The following LAMA1 variants were observed in gnomAD, a reference collection of about 807,000 sequenced individuals.
LAMA1 encodes laminin subunit alpha 1, also known as laminin subunit alpha-1.
In LAMA1, 219 loss-of-function variants were observed where a neutral mutation model predicts 348.7. The ratio of observed to expected loss-of-function variants is 0.63; its 90% CI spans 0.56 to 0.70. The LOEUF is 0.70. LAMA1 is among the 30% of genes least tolerant of loss of function. LAMA1 has a pLI of 0.00. For missense variants in LAMA1, 3,744 were observed against 3,888.0 expected (o/e 0.96, Z 0.99); for synonymous variants, 1,487 against 1,491.0 (o/e 1.00, Z 0.06).
At position 7,032,097 on chromosome 18, in the gene LAMA1, G is replaced by A; in HGVS notation, c.2243C>T (p.Ala748Val). The A allele has an allele frequency of 6.2e-7, 1 of 1,614,134 alleles. No homozygotes were observed. Among genetic ancestry groups the A allele is most frequent in the East Asian group, 2.2e-5 (1 of 44,868 alleles). Residue 748 changes from alanine to valine, a missense_variant, in exon 16 of 63, where the codon GCA (alanine) becomes GTA (valine). By Grantham distance (64) the Ala-to-Val change is moderately conservative. This residue lies in a region of LAMA1 where 1,529 missense variants were observed against 1,689.4 expected (regional missense o/e 0.91). Coordinates refer to ENST00000389658, the MANE Select transcript of LAMA1 (RefSeq NM_005559.4). ...AACGCCGTGAACATTACACTCAGCT[G>A]CATGGCCGTGGCATTCACAGGGTTG... ...ICQPCECHGH[A>V]AECNVHGVCI...
At position 6,961,569 on chromosome 18, in the gene LAMA1, G is replaced by A. The variant is rs762915986; in HGVS notation, c.7626+17C>T. 1.9e-6 allele frequency: 3 copies of A among 1,612,578 alleles called. No individual in the cohort carries two copies. Among genetic ancestry groups the A allele is most frequent in the Non-Finnish European group, 2.5e-6 (3 of 1,179,954 alleles). ...AATTTCCTGAGCTTGGGGCTCAGGA[G>A]CACTGGCCCTACTCACCACGTGTGC... On this transcript the variant is annotated intron_variant, in intron 53 of 62. Coordinates refer to ENST00000389658, the MANE Select transcript of LAMA1 (RefSeq NM_005559.4).
intron 23 of LAMA1, among the ~76,000 whole-genome samples, chr18:7,013,460 C>T (rs147957340): frequency 6.8e-4 from 104 of 152,216 alleles, no homozygotes; most frequent in African/African-American, 2.4e-3. Flanking sequence ...CCAGCACATA[C>T]GGGAGCCCAA....
chr18:7,076,167 G>A (rs2058167109), intron 3 of LAMA1, among the ~76,000 whole-genome samples: 1 of 152,126 alleles, frequency 6.6e-6, no homozygotes, highest in Non-Finnish European at 1.5e-5. Flanking sequence ...TGCAGATTTT[G>A]GCAAGGTAAA....
rs1252302513 is a variant in LAMA1 at position 6,988,577 on chromosome 18, A to G, written c.5169-2230T>C. 3.3e-5 allele frequency among the ~76,000 whole-genome samples: 5 copies of G among 152,300 alleles called. No homozygotes were observed. The East Asian group carries it at 9.6e-4, about 29-fold the overall frequency. On this transcript the variant is annotated intron_variant, in intron 36 of 62. Transcript: ENST00000389658. ...CACTTTGGGAGGCCAAGGCGGGCAG[A>G]TCACCTGAGGTCAGGAGTCCAAGAC...
intron 3 of LAMA1, among the ~76,000 whole-genome samples, chr18:7,053,893 C>T (rs905326633): frequency 6.6e-6 from 1 of 151,698 alleles, no homozygotes; most frequent in Admixed American, 6.6e-5. Context: ...AAGTGATCCT[C>T]CCACCTCGGC....
intron 7 of LAMA1, 72 bp from the exon 8 acceptor site, chr18:7,043,477 CTAAG>C (rs1339244980): frequency 8.2e-6 from 10 of 1,212,406 alleles, no homozygotes; most frequent in Admixed American, 3.4e-5. Flanking sequence ...CTTAACCTCC[CTAAG>C]TAAGTTCTAT....
At chr18:6,943,855 A>G (rs1308146769) in intron 61 of LAMA1, among the ~76,000 whole-genome samples, 1 of 151,796 alleles carries the variant, frequency 6.6e-6, no homozygotes, top group Non-Finnish European at 1.5e-5. Flanking sequence ...AAAAAAAAAA[A>G]AAAAAAAAAA....
chr18:6,985,159 CTG>C, intron 39 of LAMA1, 76 bp downstream of exon 39: 1 of 1,525,044 alleles, frequency 6.6e-7, no homozygotes, highest in Non-Finnish European at 9.1e-7. Context: ...TGACCCATCA[CTG>C]TGAATAGAAA....
chr18:6,965,557 C>G, intron 49 of LAMA1, 125 bp from the exon 50 acceptor site: 4 of 1,131,612 alleles, frequency 3.5e-6, no homozygotes, highest in Non-Finnish European at 5.3e-6. Flanking sequence ...GCCCCACAGC[C>G]AGAGGTCTAT....
chr18:7,022,230 T>C (rs1278883853), intron 19 of LAMA1, among the ~76,000 whole-genome samples: 5 of 152,056 alleles, frequency 3.3e-5, no homozygotes, highest in Non-Finnish European at 5.9e-5. Context: ...GGACACTTAA[T>C]AAACAATGAA....
intron 58 of LAMA1, among the ~76,000 whole-genome samples, chr18:6,950,158 G>C (rs1269867795): frequency 6.6e-6 from 1 of 151,658 alleles, no homozygotes; most frequent in East Asian, 1.9e-4. Context: ...AGACAACTTC[G>C]ACCCCCTGTG....
chr18:7,077,700 T>C (rs554230351), intron 3 of LAMA1, among the ~76,000 whole-genome samples: 102 of 152,082 alleles, frequency 6.7e-4, no homozygotes, highest in African/African-American at 2.4e-3. Flanking sequence ...TCATATAATA[T>C]CACATTCTTA....
intron 1 of LAMA1, among the ~76,000 whole-genome samples, chr18:7,082,470 T>C (rs1462082965): frequency 6.6e-6 from 1 of 152,204 alleles, no homozygotes; most frequent in Non-Finnish European, 1.5e-5. Flanking sequence ...AACCAGTAGT[T>C]AGACAGTTAT....
At chr18:7,012,371 TAC>T (rs1939768115) in intron 23 of LAMA1, among the ~76,000 whole-genome samples, 1 of 151,860 alleles carries the variant, frequency 6.6e-6, no homozygotes, top group African/African-American at 2.4e-5. Context: ...GTTTGGAAAA[TAC>T]AGAGTCCCTG....
Position 7,048,948 on chromosome 18 carries a change from G to A in LAMA1, c.768+130C>T, listed in dbSNP as rs886478001. On this transcript the variant is annotated intron_variant, in intron 5 of 62. Transcript: ENST00000389658. The stretch of plus-strand genomic sequence containing the variant: ...CAATCTTACATGAAATAAGGATACA[G>A]CTGCTGGCAAGAAAAAAGGCCAACA... 6.9e-6 allele frequency: 6 copies of A among 868,534 alleles called. No individual in the cohort carries two copies. The African/African-American group carries it at 1.0e-4, about 15-fold the overall frequency. The allele number at this position is 868,534 out of a possible 1,614,324, so 53.8% of individuals were successfully genotyped here.
rs1357526242 is a variant in LAMA1, at chr18:6,997,746, A to T, written c.4802T>A (p.Leu1601His). The part of the protein sequence containing the change: ...LSNLENTTKY[L>H]QESLLKENMQ... ...CTCTGTATTTCCAGTACCTACCTGGAGATATTTAGTTGTATTTTCCAGGTT... is the reference window on the plus strand; with the variant it reads ...CTCTGTATTTCCAGTACCTACCTGGTGATATTTAGTTGTATTTTCCAGGTT... The change falls in exon 33 of 63, where the codon CTC becomes CAC. Residue 1601 changes from leucine to histidine, a missense_variant. Transcript: ENST00000389658. The T allele has an allele frequency of 6.2e-7, 1 of 1,613,686 alleles. No individual in the cohort carries two copies. The highest frequency in any genetic ancestry group is 1.1e-5 in the South Asian group (1 of 91,070).
chr18:7,052,603 T>C (rs1386944973), intron 3 of LAMA1, among the ~76,000 whole-genome samples: 5 of 152,042 alleles, frequency 3.3e-5, no homozygotes, highest in Admixed American at 3.3e-4. Context: ...GGCGCATGCA[T>C]GTAATCCCAG....
chr18:6,973,088 A>G lies in LAMA1; in HGVS notation c.6743T>C (p.Met2248Thr), dbSNP rs1330966558. The G allele has an allele frequency of 1.2e-6, 2 of 1,614,218 alleles. No individual in the cohort carries two copies. The highest frequency in any genetic ancestry group is 8.5e-7 in the Non-Finnish European group (1 of 1,180,008). ...NVLDVNNSTL[M>T]FVGGLGGQIK... The stretch of plus-strand genomic sequence containing the variant: ...TTGTCCTCCAAGACCTCCAACAAAC[A>G]TGAGTGTTGAATTGTTTACATCCAG... Residue 2248 changes from methionine to threonine, a missense_variant, in exon 47 of 63, where the codon ATG (methionine) becomes ACG (threonine). Met to Thr is a moderately conservative substitution (Grantham distance 81, BLOSUM62 -1). This residue lies in a region of LAMA1 where 1,983 missense variants were observed against 1,934.3 expected (regional missense o/e 1.03). Coordinates refer to ENST00000389658, the MANE Select transcript of LAMA1 (RefSeq NM_005559.4).
chr18:6,953,702 T>C (rs1330349283), intron 57 of LAMA1: 4 of 152,188 alleles, frequency 2.6e-5, no homozygotes, highest in Admixed American at 6.5e-5. Flanking sequence ...TCCTTCCTCA[T>C]AGGAGAATTA....
Sources: gnomAD v4.1 joint callset for allele counts (sites outside exome capture counted in the v4.1 genomes callset) on GRCh38, gnomAD v4.1.1 for gene constraint, gnomAD v4.1.1 regional missense constraint, MANE v1.5 for transcripts, NCBI Gene and HGNC (gene_info 2026-07-23, HGNC 2026-07-21) for gene names.